The following NLRP9 variants were observed in gnomAD, a reference collection of about 807,000 sequenced individuals.
NLRP9 encodes NLR family pyrin domain containing 9, also known as NACHT, LRR and PYD domains-containing protein 9.
In NLRP9, 88 loss-of-function variants were observed where a neutral mutation model predicts 83.1. The observed-to-expected ratio is 1.06, with a 90% CI of 0.89 to 1.26. The LOEUF is 1.26. Ranked by LOEUF, NLRP9 falls within the 50% of genes most tolerant of loss-of-function variation. The probability of loss-of-function intolerance (pLI) is 0.00; values close to 1 mark genes in which losing one functional copy is unlikely to be tolerated. For missense variants in NLRP9, 1,308 were observed against 1,179.3 expected (o/e 1.11, Z -1.60); for synonymous variants, 521 against 447.6 (o/e 1.16, Z -2.07).
rs1161562699 is a variant in NLRP9 at position 55,729,854 on chromosome 19, AG to A, written c.1970del (p.Pro657LeufsTer31). The A allele has an allele frequency of 1.9e-6, 3 of 1,612,302 alleles. No individual in the cohort carries two copies. The highest frequency in any genetic ancestry group is 3.4e-5 in the Admixed American group (2 of 59,346). ...ACATGAGTTTTCGGAGTTTACAAACAGGCTGAGCCAGCGCTTTGCAAAGAAT... is the reference window on the plus strand; with the variant it reads ...ACATGAGTTTTCGGAGTTTACAAACAGCTGAGCCAGCGCTTTGCAAAGAAT... ...LAILCKALAQ[P>X]VCKLRKLIFT... On this transcript the variant is annotated frameshift_variant, in exon 3 of 9. Coordinates refer to ENST00000332836, the MANE Select transcript of NLRP9 (RefSeq NM_176820.4). LOFTEE classifies it high-confidence loss of function.
chr19:55,728,291 G>T (rs1427491258), intron 3 of NLRP9, among the ~76,000 whole-genome samples: 2 of 152,148 alleles, frequency 1.3e-5, no homozygotes, highest in African/African-American at 4.8e-5. Flanking sequence ...CAAGACATCA[G>T]CCAGGCCAGG....
chr19:55,715,398 T>C (rs1987970598), intron 5 of NLRP9, among the ~76,000 whole-genome samples, 173 bp from the exon 6 acceptor site: 1 of 152,018 alleles, frequency 6.6e-6, no homozygotes, highest in African/African-American at 2.4e-5. Context: ...CTCAAGAAAA[T>C]AAGGAGCTGG....
In NLRP9 at chr19:55,732,853, A is replaced by C. The variant is rs1988629589; in HGVS notation, c.978T>G (p.Asp326Glu). Residue 326 changes from aspartate to glutamate, a missense_variant, in exon 2 of 9, where the codon GAT becomes GAG. Transcript: ENST00000332836. ...GGCACAAGATAAACAGCGGCCCATT[A>C]TCTCTCACAAAATTGAAGACTTTCA... is the stretch of plus-strand genomic sequence containing the variant. ...KALKVFNFVR[D>E]NGPLFILCHN... 1 of 1,614,034 alleles carries C rather than the reference A, an allele frequency of 6.2e-7. No individual in the cohort carries two copies. The highest frequency in any genetic ancestry group is 2.2e-5 in the East Asian group (1 of 44,898).
rs989283798 is a variant in NLRP9, at chr19:55,708,801, A to G, written c.*111T>C. On this transcript the variant is annotated 3_prime_UTR_variant, in exon 9 of 9. Transcript: ENST00000332836. ...TAGAACACTTAGGGAGTACCTCTGA[A>G]ATCACAGCCCTGCTGCCATGATGTG... 4.3e-6 allele frequency: 3 copies of G among 702,292 alleles called. No individual in the cohort carries two copies. The highest frequency in any genetic ancestry group is 6.1e-5 in the Admixed American group (2 of 32,968). 43.5% of individuals were successfully genotyped at this position (702,292 alleles called of 1,614,324 possible).
chr19:55,734,554 CACACACATATAT>C (rs1407325800), intron 1 of NLRP9, among the ~76,000 whole-genome samples: 1 of 148,304 alleles, frequency 6.7e-6, no homozygotes, highest in South Asian at 2.1e-4. Context: ...CATATATACG[CACACACATATAT>C]ACACACATAT....
rs371300727 is a variant in NLRP9, at chr19:55,722,422, C to T, written c.2159+1558G>A. On this transcript the variant is annotated intron_variant, in intron 4 of 8. Coordinates refer to ENST00000332836, the MANE Select transcript of NLRP9 (RefSeq NM_176820.4). The stretch of plus-strand genomic sequence containing the variant: ...CTTGAATAAGGAATGAGATCTACAG[C>T]AGTTCTATAAGCTCAAACAACCCTT... 9.8e-5 allele frequency among the ~76,000 whole-genome samples: 15 copies of T among 152,314 alleles called. No homozygotes were observed. The East Asian group carries it at 1.9e-3, about 20-fold the overall frequency.
rs897884723 is a variant in NLRP9 at position 55,708,925 on chromosome 19, C to A, written c.2963G>T (p.Gly988Val). 1 of 1,559,220 alleles carries A rather than the reference C, an allele frequency of 6.4e-7. No homozygotes were observed. Among genetic ancestry groups the A allele is most frequent in the Non-Finnish European group, 8.6e-7 (1 of 1,160,382 alleles). The stretch of plus-strand genomic sequence containing the variant: ...GGGTGTTCCCCATCAGAGGAGCACA[C>A]CCCTGATCTTGTATTCCTCGTCAAT... ...PWIDEEYKIRGVLL is the reference protein window; with the variant it reads ...PWIDEEYKIRVVLL The change falls in exon 9 of 9, where the codon GGT becomes GTT. Residue 988 changes from glycine to valine, a missense_variant. Coordinates refer to ENST00000332836, the MANE Select transcript of NLRP9 (RefSeq NM_176820.4).
intron 4 of NLRP9, among the ~76,000 whole-genome samples, chr19:55,719,453 C>T (rs117467419): frequency 1.2e-3 from 188 of 152,338 alleles, no homozygotes; most frequent in Non-Finnish European, 2.2e-3. Flanking sequence ...ATGCCCGGCC[C>T]GGCCCCTGGC....
chr19:55,729,863 C>T lies in NLRP9; in HGVS notation c.1962G>A (p.Leu654=). 6.2e-7 allele frequency: 1 copy of T among 1,613,628 alleles called. No homozygotes were observed. Among genetic ancestry groups the T allele is most frequent in the African/African-American group, 1.3e-5 (1 of 75,016 alleles). ...TTCGGAGTTTACAAACAGGCTGAGC[C>T]AGCGCTTTGCAAAGAATCGCCAGGG... ...DPSLAILCKA[L]AQPVCKLRKL... The change falls in exon 3 of 9, where the codon CTG becomes CTA. Residue 654 remains leucine, a synonymous_variant. Transcript: ENST00000332836.
intron 3 of NLRP9, among the ~76,000 whole-genome samples, chr19:55,724,402 G>C (rs950137674): frequency 4.6e-5 from 7 of 151,998 alleles, no homozygotes. Flanking sequence ...GAAGGAGAAC[G>C]AGTCAGCCGA....
chr19:55,734,342 C>A (rs1988713006), intron 1 of NLRP9, among the ~76,000 whole-genome samples: 1 of 113,872 alleles, frequency 8.8e-6, no homozygotes, highest in African/African-American at 3.5e-5. Context: ...CAAGCCTGGG[C>A]AACAGCCTGA....
chr19:55,736,604 CAGG>C (rs947236057), intron 1 of NLRP9, among the ~76,000 whole-genome samples: 1 of 151,918 alleles, frequency 6.6e-6, no homozygotes, highest in Non-Finnish European at 1.5e-5. Context: ...GAAGCCCAGG[CAGG>C]AGGATCATCT....
Position 55,716,758 on chromosome 19 carries a change from T to G in NLRP9, c.2300A>C (p.Lys767Thr), listed in dbSNP as rs1182185297. The G allele has an allele frequency of 6.2e-7, 1 of 1,613,926 alleles. No homozygotes were observed. Among genetic ancestry groups the G allele is most frequent in the East Asian group, 2.2e-5 (1 of 44,876 alleles). ...CCTCTCCAGGGCACAGTGTGAGTGC[T>G]TCAGGGCTTCACACAGCAACGTCAT... ...EGMTLLCEAL[K>T]HSHCALERLM... Residue 767 changes from lysine to threonine, a missense_variant, in exon 5 of 9, where the codon AAG (lysine) becomes ACG (threonine). Physicochemically the swap from Lys to Thr is moderately conservative, Grantham distance 78 (BLOSUM62 -1). Transcript: ENST00000332836.
chr19:55,709,711 T>C (rs2122270748), intron 8 of NLRP9: 1 of 152,310 alleles, frequency 6.6e-6, no homozygotes, highest in South Asian at 2.1e-4. Context: ...TCTTGTTTAT[T>C]TTTTCCCTTA....
chr19:55,734,516 T>TAC (rs200706363), intron 1 of NLRP9, among the ~76,000 whole-genome samples: 34 of 98,596 alleles, frequency 3.4e-4, no homozygotes, highest in African/African-American at 1.1e-3. Context: ...CACATATATA[T>TAC]ACACACACAC....
At chr19:55,733,638 T>A in intron 1 of NLRP9, 88 bp from the exon 2 acceptor site, 1 of 821,100 alleles carries the variant, frequency 1.2e-6, no homozygotes, top group Non-Finnish European at 1.9e-6. Flanking sequence ...AATAAAATTC[T>A]AATACTCGCC....
chr19:55,732,702 T>C lies in NLRP9; in HGVS notation c.1129A>G (p.Lys377Glu), dbSNP rs770355261. ...LYASFLTTVFKAGSQSFPPKV... is the reference protein window; with the variant it reads ...LYASFLTTVFEAGSQSFPPKV... ...GGTGGAAAACTCTGACTTCCTGCTTTGAATACAGTTGTTAAAAAGGATGCA... is the reference window on the plus strand; with the variant it reads ...GGTGGAAAACTCTGACTTCCTGCTTCGAATACAGTTGTTAAAAAGGATGCA... Residue 377 changes from lysine (K) to glutamate (E), a missense_variant, in exon 2 of 9, where the codon AAA (lysine) becomes GAA (glutamate). Lys to Glu is a moderately conservative substitution (Grantham distance 56). Transcript: ENST00000332836. 1.9e-6 allele frequency: 3 copies of C among 1,614,190 alleles called. No homozygotes were observed. Among genetic ancestry groups the C allele is most frequent in the Non-Finnish European group, 1.7e-6 (2 of 1,180,044 alleles).
intron 1 of NLRP9, among the ~76,000 whole-genome samples, chr19:55,734,738 G>A (rs904264991): frequency 1.3e-5 from 2 of 151,248 alleles, no homozygotes; most frequent in African/African-American, 4.9e-5. Flanking sequence ...GGGTTCAAGC[G>A]ATTCTTCTGC....
At chr19:55,730,322 GC>G (rs1988536340) in intron 2 of NLRP9, among the ~76,000 whole-genome samples, 1 of 152,078 alleles carries the variant, frequency 6.6e-6, no homozygotes, top group Non-Finnish European at 1.5e-5. Flanking sequence ...AGATGTGGTG[GC>G]ATACACCTGT....
Sources: gnomAD v4.1 joint callset for allele counts (sites outside exome capture counted in the v4.1 genomes callset) on GRCh38, gnomAD v4.1.1 for gene constraint, MANE v1.5 for transcripts, NCBI Gene and HGNC (gene_info 2026-07-23, HGNC 2026-07-21) for gene names.